Variants in CIMIP3 observed in about 807,000 individuals in gnomAD.
CIMIP3 encodes the protein GUCA1A neighbor.
chr6:42,159,511 G>T, the CIMIP3 span, among the ~76,000 whole-genome samples: 1 of 152,124 alleles, frequency 6.6e-6, no homozygotes, highest in Non-Finnish European at 1.5e-5. Context: ...CCAGTGTGTT[G>T]TTCTGTCCAT....
chr6:42,156,301 T>C, the CIMIP3 span, among the ~76,000 whole-genome samples: 28 of 148,474 alleles, frequency 1.9e-4, no homozygotes, highest in South Asian at 4.8e-3. Flanking sequence ...CAGCCATTTT[T>C]TTTTCTTTTT....
the CIMIP3 span, chr6:42,155,621 G>GGGTGCT: frequency 2.8e-6 from 2 of 717,386 alleles, no homozygotes; most frequent in South Asian, 1.5e-5. Context: ...AGGCTTAGTT[G>GGGTGCT]GGTGCTGGTG....
At chr6:42,161,461 C>T in the CIMIP3 span, among the ~76,000 whole-genome samples, 17 of 152,108 alleles carry the variant, frequency 1.1e-4, no homozygotes, top group Admixed American at 7.2e-4. Context: ...GGTGCTGTCA[C>T]GGTGAGGACA....
At chr6:42,162,524 A>G in the CIMIP3 span, among the ~76,000 whole-genome samples, 1 of 149,342 alleles carries the variant, frequency 6.7e-6, no homozygotes, top group Non-Finnish European at 1.5e-5. Context: ...GGGGCCCCAC[A>G]GGATAGAGAG....
the CIMIP3 span, among the ~76,000 whole-genome samples, chr6:42,162,087 A>AT: frequency 2.2e-4 from 25 of 111,736 alleles, no homozygotes; most frequent in African/African-American, 7.4e-4. Context: ...TGGAAGCCAC[A>AT]TTCTTTTTTT....
chr6:42,155,579 A>C, the CIMIP3 span: 507,574 of 717,070 alleles, frequency 0.71, 181,664 homozygotes, highest in East Asian at 0.85. Context: ...CCAGCCTCAC[A>C]TGTGCGGCTG....
the CIMIP3 span, among the ~76,000 whole-genome samples, chr6:42,156,481 C>T: frequency 7.2e-5 from 11 of 152,028 alleles, no homozygotes; most frequent in African/African-American, 2.7e-4. Context: ...GTAGCTGGCT[C>T]CAGGCTCTCA....
At chr6:42,162,479 G>A in the CIMIP3 span, among the ~76,000 whole-genome samples, 6 of 150,964 alleles carry the variant, frequency 4.0e-5, no homozygotes, top group Non-Finnish European at 8.8e-5. Context: ...GTAGGAGGGT[G>A]GGAGACAGGA....
At chr6:42,155,676 G>A in the CIMIP3 span, 6 of 715,826 alleles carry the variant, frequency 8.4e-6, no homozygotes, top group Non-Finnish European at 1.6e-5. Context: ...TCGGACCTCT[G>A]CGATCTCTCT....
At chr6:42,161,439 T>G in the CIMIP3 span, among the ~76,000 whole-genome samples, 1 of 152,122 alleles carries the variant, frequency 6.6e-6, no homozygotes, top group Non-Finnish European at 1.5e-5. Flanking sequence ...TACAGATGCT[T>G]CATCCTTTGG....
At chr6:42,163,083 C>T in the CIMIP3 span, 9 of 716,260 alleles carry the variant, frequency 1.3e-5, no homozygotes, top group Non-Finnish European at 1.6e-5. Context: ...GGGCAGAATC[C>T]GGACAAGCTC....
At chr6:42,162,714 T>A in the CIMIP3 span, among the ~76,000 whole-genome samples, 1 of 152,176 alleles carries the variant, frequency 6.6e-6, no homozygotes, top group Non-Finnish European at 1.5e-5. Flanking sequence ...GGCAGAGTTC[T>A]GCAGCAGCAG....
chr6:42,160,542 G>C, the CIMIP3 span, among the ~76,000 whole-genome samples: 1 of 152,220 alleles, frequency 6.6e-6, no homozygotes, highest in African/African-American at 2.4e-5. Context: ...GGACTAAGAT[G>C]AGACGAGACT....
At chr6:42,163,232 G>A in the CIMIP3 span, 1 of 592,350 alleles carries the variant, frequency 1.7e-6, no homozygotes, top group Non-Finnish European at 3.1e-6. Context: ...TGCCAACTTG[G>A]TCTTGTGGCG....
At chr6:42,159,945 C>A in the CIMIP3 span, among the ~76,000 whole-genome samples, 6 of 152,188 alleles carry the variant, frequency 3.9e-5, no homozygotes, top group African/African-American at 4.8e-5. Context: ...AGGTAATCCA[C>A]TGACAGGGTT....
chr6:42,155,549 A>G, the CIMIP3 span: 2 of 717,464 alleles, frequency 2.8e-6, no homozygotes, highest in Non-Finnish European at 5.2e-6. Flanking sequence ...GATGGGCAGG[A>G]AAGAGCATGA....
chr6:42,158,648 C>T, the CIMIP3 span, among the ~76,000 whole-genome samples: 1 of 152,206 alleles, frequency 6.6e-6, no homozygotes, highest in Non-Finnish European at 1.5e-5. Context: ...ACTGTGAACT[C>T]AGAAAAATGC....
the CIMIP3 span, chr6:42,155,710 G>A: frequency 4.3e-6 from 3 of 702,082 alleles, no homozygotes; most frequent in Admixed American, 2.0e-5. Context: ...GAGGGAACAG[G>A]ACACCCTCCA....
chr6:42,158,513 C>T, the CIMIP3 span, among the ~76,000 whole-genome samples: 1 of 152,190 alleles, frequency 6.6e-6, no homozygotes, highest in Non-Finnish European at 1.5e-5. Context: ...GAGGTGTGGA[C>T]CCAGGGCAGG....
Sources: gnomAD v4.1 joint callset for allele counts (sites outside exome capture counted in the v4.1 genomes callset) on GRCh38, gnomAD v4.1.1 for gene constraint, MANE v1.5 for transcripts, NCBI Gene and HGNC (gene_info 2026-07-23, HGNC 2026-07-21) for gene names.